SLC22A25: variants seen among roughly 807,000 people sequenced by gnomAD.
SLC22A25 encodes solute carrier family 22 member 25, also known as MGI:2442751, MGI:2385316, MGI:3042283, MGI:3645714, MGI:3605624, MGI:2442750.
In SLC22A25, 44 loss-of-function variants were observed where a neutral mutation model predicts 45.9. The ratio of observed to expected loss-of-function variants is 0.96; its 90% CI spans 0.75 to 1.23. The LOEUF is 1.23. Ranked by LOEUF, SLC22A25 falls within the 50% of genes most tolerant of loss-of-function variation. The probability of loss-of-function intolerance (pLI) is 0.00; values close to 1 mark genes in which losing one functional copy is unlikely to be tolerated. For missense variants in SLC22A25, 800 were observed against 666.4 expected (o/e 1.20, Z -2.21); for synonymous variants, 283 against 238.6 (o/e 1.19, Z -1.72).
At chr11:63,188,468 C>G (rs928381710) in intron 7 of SLC22A25, among the ~76,000 whole-genome samples, 1 of 152,098 alleles carries the variant, frequency 6.6e-6, no homozygotes, top group Admixed American at 6.5e-5. Context: ...AGCGGTCTAT[C>G]TATTTTGTTG....
At chr11:63,222,380 A>G (rs894040142) in intron 5 of SLC22A25, among the ~76,000 whole-genome samples, 3 of 151,856 alleles carry the variant, frequency 2.0e-5, no homozygotes, top group Admixed American at 6.6e-5. Flanking sequence ...TTTATTTGTC[A>G]CTATTGTAAA....
In SLC22A25 at chr11:63,163,842, CTGA is replaced by C; in HGVS notation, c.1623_1625del (p.Gln542del). 6.2e-7 allele frequency: 1 copy of C among 1,613,458 alleles called. No homozygotes were observed. Among genetic ancestry groups the C allele is most frequent in the East Asian group, 2.2e-5 (1 of 44,860 alleles). On this transcript the variant is annotated inframe_deletion, in exon 12 of 12. Coordinates refer to ENST00000306494, the MANE Select transcript of SLC22A25 (RefSeq NM_199352.6). The stretch of plus-strand genomic sequence containing the variant: ...CACAGACCTATAGCACAGAGCTCCT[CTGA>C]GGGGCAGCTAGGCTATTTACTCCCT...
chr11:63,211,005 C>T (rs113991936), intron 7 of SLC22A25, among the ~76,000 whole-genome samples: 1 of 152,096 alleles, frequency 6.6e-6, no homozygotes, highest in South Asian at 2.1e-4. Context: ...CCCTGACTGT[C>T]CCAAGGGCTG....
At chr11:63,215,766 C>G (rs565244180) in intron 7 of SLC22A25, among the ~76,000 whole-genome samples, 2 of 152,222 alleles carry the variant, frequency 1.3e-5, no homozygotes, top group South Asian at 4.2e-4. Context: ...TTCTCTCTCT[C>G]TTTCCAAACT....
chr11:63,243,262 G>A (rs1266028235), intron 1 of SLC22A25, 172 bp downstream of exon 1: 11 of 385,940 alleles, frequency 2.9e-5, no homozygotes, highest in Non-Finnish European at 5.0e-5. Context: ...CAGGATGGTG[G>A]CCACTTCTGA....
In SLC22A25 at chr11:63,183,800, G is replaced by C. The variant is rs750518640; in HGVS notation, c.848C>G (p.Ala283Gly). The change falls in exon 8 of 12, where the codon GCT becomes GGT. Residue 283 changes from alanine (A) to glycine (G), a missense_variant. Ala to Gly is a moderately conservative substitution (Grantham distance 60). Coordinates refer to ENST00000306494, the MANE Select transcript of SLC22A25 (RefSeq NM_199352.6). ...TTTGTTGTTGATAATGAGCCACCGAGCAGACTCTGCCAGCCACCTGAGCAA... is the reference window on the plus strand; with the variant it reads ...TTTGTTGTTGATAATGAGCCACCGACCAGACTCTGCCAGCCACCTGAGCAA... ...FLFSRWLAESARWLIINNKPE... is the reference protein window; with the variant it reads ...FLFSRWLAESGRWLIINNKPE... The C allele has an allele frequency of 6.2e-7, 1 of 1,612,990 alleles. No homozygotes were observed. The highest frequency in any genetic ancestry group is 8.5e-7 in the Non-Finnish European group (1 of 1,179,298).
At chr11:63,173,223 G>C (rs532895848) in intron 9 of SLC22A25, among the ~76,000 whole-genome samples, 272 of 151,348 alleles carry the variant, frequency 1.8e-3, no homozygotes, top group Non-Finnish European at 2.6e-3. Context: ...TGTTGGGGGT[G>C]GGGGGCAAGG....
At chr11:63,227,945 C>T (rs2089994505) in intron 5 of SLC22A25, among the ~76,000 whole-genome samples, 1 of 152,224 alleles carries the variant, frequency 6.6e-6, no homozygotes, top group South Asian at 2.1e-4. Context: ...CCCGTAATTG[C>T]TGTGCTCTTC....
intron 7 of SLC22A25, among the ~76,000 whole-genome samples, chr11:63,196,674 C>G (rs940489612): frequency 2.0e-5 from 3 of 152,166 alleles, no homozygotes; most frequent in African/African-American, 7.2e-5. Context: ...AAACTGGAAG[C>G]ATTCCCTTTG....
In SLC22A25 at chr11:63,199,529, C is replaced by G. The variant is rs536283854; in HGVS notation, c.831-15712G>C. On this transcript the variant is annotated intron_variant, in intron 7 of 11. Transcript: ENST00000306494. ...TAAGACCCTGCTTGAATAGCTGATG[C>G]CTACTTCTCAGCCTCCCCCTCCCGC... Among the ~76,000 whole-genome samples, 363 of 152,146 alleles carry G rather than the reference C, an allele frequency of 2.4e-3. 1 individual carries two copies. Among genetic ancestry groups the G allele is most frequent in the African/African-American group, 8.2e-3 (340 of 41,526 alleles).
chr11:63,196,789 T>A (rs2089050975), intron 7 of SLC22A25, among the ~76,000 whole-genome samples: 1 of 152,126 alleles, frequency 6.6e-6, no homozygotes, highest in Non-Finnish European at 1.5e-5. Flanking sequence ...TAAAGGGTAT[T>A]CAATTAGGAA....
In SLC22A25 at chr11:63,196,487, A is replaced by C. The variant is rs183934172; in HGVS notation, c.831-12670T>G. Among the ~76,000 whole-genome samples the C allele has an allele frequency of 6.6e-5, 10 of 152,344 alleles. No individual in the cohort carries two copies. In the East Asian group the frequency reaches 1.9e-3, roughly 29 times the overall value. ...AATAAACATAATCCAGCATATAAAC[A>C]GAACTAACGACAAAAACCACATGAT... is the stretch of plus-strand genomic sequence containing the variant. On this transcript the variant is annotated intron_variant, in intron 7 of 11. Transcript: ENST00000306494.
At chr11:63,176,994 C>A in intron 9 of SLC22A25, among the ~76,000 whole-genome samples, 1 of 151,964 alleles carries the variant, frequency 6.6e-6, no homozygotes, top group East Asian at 1.9e-4. Flanking sequence ...TATTTCTCTT[C>A]ATTTTTGAAG....
Position 63,163,407 on chromosome 11 carries a change from T to C in SLC22A25, c.*417A>G, listed in dbSNP as rs1422521816. ...TTCTCATCTGTGGGAGGGGCTCTTA[T>C]TTTCTATACAGTCTCTCACAAATTC... On this transcript the variant is annotated 3_prime_UTR_variant, in exon 12 of 12. Coordinates refer to ENST00000306494, the MANE Select transcript of SLC22A25 (RefSeq NM_199352.6). Among the ~76,000 whole-genome samples the C allele has an allele frequency of 2.0e-5, 3 of 152,208 alleles. No homozygotes were observed. The highest frequency in any genetic ancestry group is 4.8e-5 in the African/African-American group (2 of 41,458).
At chr11:63,183,300 C>T (rs1204441983) in intron 8 of SLC22A25, among the ~76,000 whole-genome samples, 1 of 152,004 alleles carries the variant, frequency 6.6e-6, no homozygotes, top group Admixed American at 6.6e-5. Context: ...ATAAGTGAAC[C>T]TCCTTATGTT....
intron 7 of SLC22A25, 60 bp from the exon 8 acceptor site, chr11:63,183,877 C>T: frequency 2.5e-6 from 4 of 1,605,242 alleles, no homozygotes; most frequent in Non-Finnish European, 3.4e-6. Flanking sequence ...TTTCACATAA[C>T]ATTTATCCTG....
Position 63,163,956 on chromosome 11 carries a change from A to G in SLC22A25, c.1512T>C (p.Phe504=), listed in dbSNP as rs777829129. 1.2e-6 allele frequency: 2 copies of G among 1,613,958 alleles called. No homozygotes were observed. The highest frequency in any genetic ancestry group is 1.1e-5 in the South Asian group (1 of 91,072). ...RPLPWIIYGV[F]AILSGLVVLL... ...GGACAACAAGGCCAGAGAGGATGGC[A>G]AAGACTCCATAGATGATCCAGGGCA... The change falls in exon 12 of 12, where the codon TTT becomes TTC. Residue 504 remains phenylalanine (F), a synonymous_variant. Coordinates refer to ENST00000306494, the MANE Select transcript of SLC22A25 (RefSeq NM_199352.6).
chr11:63,201,896 G>A (rs369507614), intron 7 of SLC22A25, among the ~76,000 whole-genome samples: 67 of 152,288 alleles, frequency 4.4e-4, no homozygotes, highest in Admixed American at 1.3e-3. Flanking sequence ...AGCCCCCAGC[G>A]AGATCAATGC....
intron 7 of SLC22A25, among the ~76,000 whole-genome samples, chr11:63,184,531 A>T (rs1316969402): frequency 2.6e-5 from 4 of 152,170 alleles, no homozygotes; most frequent in African/African-American, 9.6e-5. Context: ...TTTGTAAAGT[A>T]AATAGAAGGA....
Sources: allele counts gnomAD v4.1 joint callset (sites outside exome capture counted in the v4.1 genomes callset), GRCh38; gene constraint gnomAD v4.1.1; transcripts MANE v1.5; gene names NCBI Gene and HGNC (gene_info 2026-07-23, HGNC 2026-07-21).